The following SNTG1 variants were observed in gnomAD, a reference collection of about 807,000 sequenced individuals.
The protein encoded by SNTG1 is gamma-1-syntrophin.
In SNTG1, 39 loss-of-function variants were observed where a neutral mutation model predicts 74.7. That is an observed-to-expected ratio of 0.52 (90% CI 0.40 to 0.68). SNTG1 has a LOEUF of 0.68. SNTG1 is among the 30% of genes least tolerant of loss of function. The probability of loss-of-function intolerance (pLI) is 0.00; values close to 1 mark genes in which losing one functional copy is unlikely to be tolerated. For missense variants in SNTG1, 685 were observed against 609.5 expected (o/e 1.12, Z -1.30); for synonymous variants, 254 against 217.1 (o/e 1.17, Z -1.49).
At chr8:50,575,097 AGTGTG>A (rs916792141) in intron 12 of SNTG1, among the ~76,000 whole-genome samples, 1 of 152,090 alleles carries the variant, frequency 6.6e-6, no homozygotes, top group Non-Finnish European at 1.5e-5. Flanking sequence ...CTAGGTACTG[AGTGTG>A]GTGGTGCAAT....
chr8:50,237,627 G>A (rs1256930189), intron 2 of SNTG1, among the ~76,000 whole-genome samples: 2 of 151,954 alleles, frequency 1.3e-5, no homozygotes, highest in Non-Finnish European at 2.9e-5. Flanking sequence ...CTCCTTCAAA[G>A]AAGGCAAAAG....
At chr8:50,309,894 A>G (rs961898722) in intron 2 of SNTG1, among the ~76,000 whole-genome samples, 3 of 152,228 alleles carry the variant, frequency 2.0e-5, no homozygotes, top group Non-Finnish European at 4.4e-5. Flanking sequence ...TCAGTGTCCA[A>G]AAAATATTGG....
intron 12 of SNTG1, among the ~76,000 whole-genome samples, chr8:50,573,418 T>A (rs1042860027): frequency 2.0e-5 from 3 of 151,950 alleles, no homozygotes; most frequent in African/African-American, 7.2e-5. Flanking sequence ...ATTTAATGGA[T>A]CTATAATAAT....
intron 1 of SNTG1, among the ~76,000 whole-genome samples, chr8:50,146,390 T>C (rs1350267856): frequency 2.6e-5 from 4 of 152,070 alleles, no homozygotes; most frequent in Non-Finnish European, 5.9e-5. Context: ...TGGTGGCGCA[T>C]GCCTTTAATC....
At chr8:50,544,788 A>G (rs1456339527) in intron 11 of SNTG1, among the ~76,000 whole-genome samples, 2 of 152,032 alleles carry the variant, frequency 1.3e-5, no homozygotes, top group East Asian at 3.9e-4. Flanking sequence ...CACTCAACCA[A>G]TATTGACTTA....
At chr8:50,406,058 A>G (rs1459996363) in intron 4 of SNTG1, among the ~76,000 whole-genome samples, 2 of 152,116 alleles carry the variant, frequency 1.3e-5, no homozygotes, top group African/African-American at 4.8e-5. Flanking sequence ...AAATTTTGGA[A>G]TGAATTTTTC....
At chr8:50,145,192 C>T (rs183024673) in intron 1 of SNTG1, among the ~76,000 whole-genome samples, 33 of 152,170 alleles carry the variant, frequency 2.2e-4, no homozygotes, top group East Asian at 2.1e-3. Context: ...GGGGGAGCCT[C>T]ATTGGAATGG....
intron 1 of SNTG1, among the ~76,000 whole-genome samples, chr8:50,106,339 C>T (rs1013277824): frequency 3.3e-5 from 5 of 152,096 alleles, no homozygotes; most frequent in African/African-American, 1.2e-4. Flanking sequence ...GGGGAATCCA[C>T]CTCCATGATC....
chr8:50,497,508 TTATAA>T (rs1363518438), intron 8 of SNTG1, among the ~76,000 whole-genome samples: 1 of 151,930 alleles, frequency 6.6e-6, no homozygotes, highest in Non-Finnish European at 1.5e-5. Flanking sequence ...TATATAGAGG[TTATAA>T]TATAATGTCA....
chr8:50,630,113 A>C (rs939184491), intron 13 of SNTG1, among the ~76,000 whole-genome samples: 2 of 152,182 alleles, frequency 1.3e-5, no homozygotes, highest in African/African-American at 4.8e-5. Context: ...GGTAAGTAGG[A>C]ATTTATGGAA....
chr8:50,649,819 G>A (rs1016839094), intron 13 of SNTG1, among the ~76,000 whole-genome samples: 1 of 151,188 alleles, frequency 6.6e-6, no homozygotes, highest in African/African-American at 2.4e-5. Flanking sequence ...ATTAATTTAG[G>A]TTACTCAGTA....
rs531920909 is a variant in SNTG1 at position 50,475,293 on chromosome 8, G to A, written c.363+24564G>A. Among the ~76,000 whole-genome samples the A allele has an allele frequency of 7.2e-5, 11 of 151,924 alleles. No individual in the cohort carries two copies. In the South Asian group the frequency reaches 2.3e-3, roughly 32 times the overall value. Reference sequence around the variant, plus strand: ...AAAAAGAAAAAAAATGGTTAAGATGGAACATTTTATATGTAGTTTCTCACA... The same window carrying A: ...AAAAAGAAAAAAAATGGTTAAGATGAAACATTTTATATGTAGTTTCTCACA... On this transcript the variant is annotated intron_variant, in intron 8 of 18. Coordinates refer to ENST00000642720, the MANE Select transcript of SNTG1 (RefSeq NM_018967.5).
intron 1 of SNTG1, among the ~76,000 whole-genome samples, chr8:50,171,408 T>C (rs139665143): frequency 2.7e-4 from 41 of 152,238 alleles, no homozygotes; most frequent in African/African-American, 9.4e-4. Context: ...AGGAGAAATA[T>C]GTAGGCTGGG....
chr8:50,603,226 GA>G, intron 13 of SNTG1, among the ~76,000 whole-genome samples: 1 of 152,108 alleles, frequency 6.6e-6, no homozygotes, highest in East Asian at 1.9e-4. Flanking sequence ...TCTCTTCTGT[GA>G]TTTTCAAATA....
intron 13 of SNTG1, among the ~76,000 whole-genome samples, chr8:50,614,651 A>C (rs1351138522): frequency 6.6e-6 from 1 of 152,154 alleles, no homozygotes; most frequent in Non-Finnish European, 1.5e-5. Flanking sequence ...AGTAAATTTT[A>C]ATTATAGTTT....
chr8:50,477,326 G>A (rs1303163567), intron 8 of SNTG1, among the ~76,000 whole-genome samples: 1 of 152,008 alleles, frequency 6.6e-6, no homozygotes, highest in Non-Finnish European at 1.5e-5. Flanking sequence ...TCAATAGCAT[G>A]TACACTTGAT....
At chr8:50,622,914 C>T (rs949868430) in intron 13 of SNTG1, among the ~76,000 whole-genome samples, 2 of 151,844 alleles carry the variant, frequency 1.3e-5, no homozygotes, top group Non-Finnish European at 2.9e-5. Context: ...GATGAATTAC[C>T]GATGTTTTCG....
intron 4 of SNTG1, among the ~76,000 whole-genome samples, chr8:50,430,344 C>T (rs925308448): frequency 1.3e-5 from 2 of 152,046 alleles, no homozygotes; most frequent in Non-Finnish European, 2.9e-5. Context: ...TTAAGCTAAA[C>T]ATGAGTTTAT....
At chr8:50,326,524 G>A (rs1021648102) in intron 2 of SNTG1, among the ~76,000 whole-genome samples, 1 of 151,642 alleles carries the variant, frequency 6.6e-6, no homozygotes, top group African/African-American at 2.4e-5. Context: ...ATTTCCATGT[G>A]ATCTATACTT....
Sources: allele counts gnomAD v4.1 joint callset (sites outside exome capture counted in the v4.1 genomes callset), GRCh38; gene constraint gnomAD v4.1.1; transcripts MANE v1.5; gene names NCBI Gene and HGNC (gene_info 2026-07-23, HGNC 2026-07-21).